The following CACNA1A variants were observed in gnomAD, a reference collection of about 807,000 sequenced individuals.
The protein encoded by CACNA1A is voltage-dependent P/Q-type calcium channel subunit alpha-1A.
A neutral mutation model predicts 262.4 loss-of-function variants in CACNA1A; 57 were observed. The observed-to-expected ratio is 0.22, with a 90% confidence interval of 0.18 to 0.27. CACNA1A has a LOEUF of 0.27. CACNA1A is among the 10% of genes least tolerant of loss of function. The probability of loss-of-function intolerance (pLI) is 1.00; values close to 1 mark genes in which losing one functional copy is unlikely to be tolerated. For synonymous variants in CACNA1A, 1,431 were observed against 1,419.3 expected (o/e 1.01, Z -0.18); for missense variants, 2,526 against 3,562.8 (o/e 0.71, Z 7.41).
chr19:13,363,242 A>T (rs2059142085), intron 5 of CACNA1A: 1 of 151,952 alleles, frequency 6.6e-6, no homozygotes, highest in African/African-American at 2.4e-5. Flanking sequence ...CTTCACAGAA[A>T]CCTAGGATCC....
rs1486750779 is a variant in CACNA1A at position 13,275,838 on chromosome 19, G to A, written c.3989+12C>T. 25 of 1,575,108 alleles carry A rather than the reference G, an allele frequency of 1.6e-5. No individual in the cohort carries two copies. The highest frequency in any genetic ancestry group is 2.2e-5 in the East Asian group (1 of 44,716). On this transcript the variant is annotated intron_variant, in intron 24 of 46. Transcript: ENST00000360228. ...GAAAAGAGGCAAGAGGAACCCTTGC[G>A]AGGAGACTTACGTGAAGGCAAAGGC...
Position 13,208,999 on chromosome 19 carries a change from T to C in CACNA1A, c.6537A>G (p.Thr2179=). ...RYTDVDTGLG[T]DLSMTTQSGD... is the part of the protein sequence containing the mutation. ...CGGATTGGGTGGTCATGCTCAGGTC[T>C]GTCCCCAAGCCTGGGCCGGGTGAGG... is the stretch of plus-strand genomic sequence containing the variant. Residue 2179 remains threonine, a synonymous_variant, in exon 46 of 47, where the codon ACA becomes ACG. Coordinates refer to ENST00000360228, the MANE Select transcript of CACNA1A (RefSeq NM_001127222.2). 6.5e-7 allele frequency: 1 copy of C among 1,537,156 alleles called. No homozygotes were observed. Among genetic ancestry groups the C allele is most frequent in the South Asian group, 1.2e-5 (1 of 84,064 alleles).
intron 38 of CACNA1A, among the ~76,000 whole-genome samples, chr19:13,217,234 AAGAG>A (rs35377972): frequency 6.6e-6 from 1 of 151,528 alleles, no homozygotes; most frequent in Non-Finnish European, 1.5e-5. Flanking sequence ...ATGGACAGGG[AAGAG>A]AGAGAGAGAG....
intron 3 of CACNA1A, among the ~76,000 whole-genome samples, chr19:13,400,408 G>C (rs1767340422): frequency 6.6e-6 from 1 of 152,100 alleles, no homozygotes; most frequent in African/African-American, 2.4e-5. Context: ...CTTTTGAAGA[G>C]CCTGCAGTGT....
chr19:13,343,128 C>CT (rs112764118), intron 6 of CACNA1A, among the ~76,000 whole-genome samples: 20,445 of 142,338 alleles, frequency 0.14, 2,023 homozygotes, highest in East Asian at 0.37. Context: ...TTTTTTCTTT[C>CT]TTTTTTTTTT....
intron 10 of CACNA1A, among the ~76,000 whole-genome samples, chr19:13,329,783 C>CTTT (rs148916478): frequency 0.12 from 17,007 of 138,920 alleles, 1,101 homozygotes; most frequent in South Asian, 0.19. Context: ...CAGTTTGTGT[C>CTTT]TTTTTTTTTT....
At chr19:13,302,042 T>A (rs2057798729) in intron 17 of CACNA1A, among the ~76,000 whole-genome samples, 1 of 152,194 alleles carries the variant, frequency 6.6e-6, no homozygotes, top group African/African-American at 2.4e-5. Context: ...GGTTCCCAAG[T>A]GAGCATAAAA....
intron 1 of CACNA1A, among the ~76,000 whole-genome samples, chr19:13,491,976 T>A (rs1281187711): frequency 6.6e-6 from 1 of 152,220 alleles, no homozygotes; most frequent in East Asian, 1.9e-4. Context: ...TGTCAGGTAC[T>A]GTTTTGAGTG....
intron 10 of CACNA1A, among the ~76,000 whole-genome samples, chr19:13,329,718 T>C (rs1028036584): frequency 6.6e-6 from 1 of 151,576 alleles, no homozygotes; most frequent in Non-Finnish European, 1.5e-5. Context: ...GGTGATCCGC[T>C]CATCTCAGCT....
Position 13,224,580 on chromosome 19 carries a change from A to G in CACNA1A, c.5731+87T>C, listed in dbSNP as rs144006462. 343 of 848,974 alleles carry G rather than the reference A, an allele frequency of 4.0e-4. 2 individuals carry two copies. The African/African-American group carries it at 5.2e-3, about 13-fold the overall frequency. 52.6% of individuals were successfully genotyped at this position (848,974 alleles called of 1,614,324 possible). A position where few individuals can be genotyped will look rare whatever the true frequency, so the allele number is the denominator to read the frequency against. ...AGTGAATGAAGATCCGGGTGGTGACAGCAGATCCTCTAGTTTGGGGTAGGG... is the reference window on the plus strand; with the variant it reads ...AGTGAATGAAGATCCGGGTGGTGACGGCAGATCCTCTAGTTTGGGGTAGGG... On this transcript the variant is annotated intron_variant, in intron 38 of 46. Coordinates refer to ENST00000360228, the MANE Select transcript of CACNA1A (RefSeq NM_001127222.2).
In CACNA1A at chr19:13,388,701, C is replaced by A. The variant is rs370449956; in HGVS notation, c.540-16922G>T. ...TTCATTCATTCATGCATTAATTCCC[C>A]TATATCTCTCTATACCCTACTTTCA... On this transcript the variant is annotated intron_variant, in intron 3 of 46. Transcript: ENST00000360228. 3.9e-5 allele frequency among the ~76,000 whole-genome samples: 6 copies of A among 152,110 alleles called. No individual in the cohort carries two copies. The East Asian group carries it at 1.2e-3, about 29-fold the overall frequency.
At chr19:13,276,055 C>T (rs1175654998) in intron 23 of CACNA1A, 99 bp from the exon 24 acceptor site, 5 of 705,352 alleles carry the variant, frequency 7.1e-6, no homozygotes, top group Non-Finnish European at 1.2e-5. Context: ...GCAGGGAAGC[C>T]AATGAGGCCA....
At chr19:13,235,845 C>G in intron 31 of CACNA1A, 115 bp from the exon 32 acceptor site, 1 of 658,920 alleles carries the variant, frequency 1.5e-6, no homozygotes, top group Non-Finnish European at 2.7e-6. Flanking sequence ...GCAAGCCAGA[C>G]CCCAAATAAG....
intron 3 of CACNA1A, among the ~76,000 whole-genome samples, chr19:13,373,380 G>A (rs933086413): frequency 6.6e-6 from 1 of 152,234 alleles, no homozygotes; most frequent in Admixed American, 6.5e-5. Flanking sequence ...GTGGCCAACT[G>A]GTATCTGTAC....
At chr19:13,371,589 G>T in intron 4 of CACNA1A, 99 bp downstream of exon 4, 1 of 809,974 alleles carries the variant, frequency 1.2e-6, no homozygotes, top group East Asian at 2.7e-5. Flanking sequence ...ACACAGGCTG[G>T]TGGCAGGATG....
At chr19:13,500,250 A>G (rs1348361863) in intron 1 of CACNA1A, among the ~76,000 whole-genome samples, 2 of 152,232 alleles carry the variant, frequency 1.3e-5, no homozygotes, top group African/African-American at 2.4e-5. Flanking sequence ...AAACGTTTAT[A>G]GGACGCCTGC....
Position 13,224,788 on chromosome 19 carries a change from G to C in CACNA1A, c.5626-16C>G. ...GCAGAAGCCGCTACAGAAAACCCAA[G>C]GCAAGCGCAGTCATTCCCAGGCATC... On this transcript the variant is annotated splice_polypyrimidine_tract_variant and intron_variant, in intron 37 of 46. Coordinates refer to ENST00000360228, the MANE Select transcript of CACNA1A (RefSeq NM_001127222.2). 1 of 1,583,028 alleles carries C rather than the reference G, an allele frequency of 6.3e-7. No individual in the cohort carries two copies. The highest frequency in any genetic ancestry group is 8.6e-7 in the Non-Finnish European group (1 of 1,161,718).
At chr19:13,319,279 T>C (rs1288327545) in intron 10 of CACNA1A, among the ~76,000 whole-genome samples, 1 of 152,226 alleles carries the variant, frequency 6.6e-6, no homozygotes, top group South Asian at 2.1e-4. Flanking sequence ...GTACATTCAT[T>C]CATTCTTTCA....
In CACNA1A at chr19:13,359,621, A is replaced by T. The variant is rs2059067140; in HGVS notation, c.963T>A (p.Thr321=). 1.2e-6 allele frequency: 2 copies of T among 1,610,752 alleles called. No individual in the cohort carries two copies. The highest frequency in any genetic ancestry group is 1.7e-6 in the Non-Finnish European group (2 of 1,178,188). ...VFQCITMEGW[T]DLLYNSNDAS... ...CATCACTTACATTGTAGAGGAGATC[A>T]GTCCACCCTTCCATGGTTATGCACT... is the stretch of plus-strand genomic sequence containing the variant. Residue 321 remains threonine (T), a synonymous_variant, in exon 6 of 47, where the codon ACT becomes ACA. Transcript: ENST00000360228.
Sources: gnomAD v4.1 joint callset for allele counts (sites outside exome capture counted in the v4.1 genomes callset) on GRCh38, gnomAD v4.1.1 for gene constraint, MANE v1.5 for transcripts, NCBI Gene and HGNC (gene_info 2026-07-23, HGNC 2026-07-21) for gene names.